ASCC1: variants seen among roughly 807,000 people sequenced by gnomAD.
ASCC1 encodes ASC-1 complex subunit P50.
Under a neutral mutation model 46.6 loss-of-function variants are expected in ASCC1, and 35 were observed. The observed-to-expected ratio is 0.75, with a 90% CI of 0.57 to 0.99. The LOEUF is 0.99. Ranked by LOEUF, ASCC1 falls within the 50% of genes least tolerant of loss-of-function variation. The pLI, the probability that ASCC1 is intolerant of heterozygous loss-of-function variation, is 0.00. For synonymous variants in ASCC1, 143 were observed against 146.6 expected, an observed-to-expected ratio of 0.98 and a Z score of 0.18; for missense variants, 376 against 428.7, an observed-to-expected ratio of 0.88 and a Z score of 1.09.
chr10:72,205,754 C>A (rs1329645665), intron 3 of ASCC1, among the ~76,000 whole-genome samples: 2 of 152,034 alleles, frequency 1.3e-5, no homozygotes, highest in African/African-American at 4.8e-5. Context: ...AGAGATCGCA[C>A]CACTGCATTC....
chr10:72,190,613 A>G (rs1854278067), intron 5 of ASCC1: 1 of 996,958 alleles, frequency 1.0e-6, no homozygotes. Context: ...CCTAATAAAC[A>G]ATTTAAGACA....
At chr10:72,178,639 A>C (rs1852163354) in intron 5 of ASCC1, among the ~76,000 whole-genome samples, 1 of 152,102 alleles carries the variant, frequency 6.6e-6, no homozygotes, top group Admixed American at 6.6e-5. Flanking sequence ...GCCTTGTGAG[A>C]CCCTAAGCAG....
At chr10:72,106,226 T>C (rs1842329838) in intron 9 of ASCC1, among the ~76,000 whole-genome samples, 1 of 152,224 alleles carries the variant, frequency 6.6e-6, no homozygotes, top group Admixed American at 6.5e-5. Context: ...ATTCAAAATA[T>C]TCAAGTCTTA....
intron 9 of ASCC1, among the ~76,000 whole-genome samples, chr10:72,116,554 T>A (rs1369088307): frequency 6.6e-6 from 1 of 152,240 alleles, no homozygotes; most frequent in African/African-American, 2.4e-5. Flanking sequence ...CTTACTATCC[T>A]GAACGTTTTG....
rs187630374 is a variant in ASCC1 at position 72,106,499 on chromosome 10, C to T, written c.958-9049G>A. ...TGTTTTTCTTCCACAGCCTGTTTAC[C>T]AACTTCTATTTCTCACAATTATCCC... On this transcript the variant is annotated intron_variant, in intron 9 of 9. Coordinates refer to ENST00000672957, the MANE Select transcript of ASCC1 (RefSeq NM_001198800.3). 9.3e-4 allele frequency among the ~76,000 whole-genome samples: 141 copies of T among 151,834 alleles called. 2 individuals are homozygous for T. Among genetic ancestry groups the T allele is most frequent in the Admixed American group, 7.7e-3 (117 of 15,214 alleles).
intron 9 of ASCC1, among the ~76,000 whole-genome samples, chr10:72,098,086 G>A (rs145240220): frequency 6.6e-6 from 1 of 152,078 alleles, no homozygotes; most frequent in East Asian, 1.9e-4. Context: ...TCAAGCCAGC[G>A]ACCTAAAATA....
chr10:72,210,751 C>T lies in ASCC1; in HGVS notation c.193G>A (p.Ala65Thr), dbSNP rs1198115337. 6.2e-7 allele frequency: 1 copy of T among 1,613,900 alleles called. No individual in the cohort carries two copies. Among genetic ancestry groups the T allele is most frequent in the Non-Finnish European group, 8.5e-7 (1 of 1,179,998 alleles). ...ACTCACTTATAGAGCAAGCTGGGGG[C>T]CCTCAAAGTAGACCGGAATCCTTGT... ...TPQGFRSTLR[A>T]PSLLYKHIVG... is the part of the protein sequence containing the mutation. Residue 65 changes from alanine (A) to threonine (T), a missense_variant, in exon 3 of 10, where the codon GCC (alanine) becomes ACC (threonine). Coordinates refer to ENST00000672957, the MANE Select transcript of ASCC1 (RefSeq NM_001198800.3).
chr10:72,151,992 ATTTTTTTT>A (rs35458668), intron 7 of ASCC1, among the ~76,000 whole-genome samples: 1 of 118,208 alleles, frequency 8.5e-6, no homozygotes, highest in African/African-American at 3.2e-5. Context: ...ACCGGCCAAT[ATTTTTTTT>A]TTTTTTTTTG....
In ASCC1 at chr10:72,161,428, CAT is replaced by C. The variant is rs1430889270; in HGVS notation, c.626+108_626+109del. On this transcript the variant is annotated intron_variant, in intron 6 of 9. Coordinates refer to ENST00000672957, the MANE Select transcript of ASCC1 (RefSeq NM_001198800.3). ...TGCCTGAGTGGGCTCCATCAAATCA[CAT>C]GAGTCCTTCCCATGTTATACACCCT... is the stretch of plus-strand genomic sequence containing the variant. 4.9e-6 allele frequency: 7 copies of C among 1,414,962 alleles called. No homozygotes were observed. The African/African-American group carries it at 7.1e-5, about 14-fold the overall frequency. 87.7% of individuals were successfully genotyped at this position (1,414,962 alleles called of 1,614,324 possible).
At chr10:72,148,173 T>G (rs1197968902) in intron 7 of ASCC1, among the ~76,000 whole-genome samples, 6 of 152,216 alleles carry the variant, frequency 3.9e-5, no homozygotes, top group African/African-American at 1.4e-4. Context: ...AAAATGATTT[T>G]ATTAAATCTC....
intron 5 of ASCC1, chr10:72,190,429 C>G: frequency 3.1e-6 from 5 of 1,597,910 alleles, no homozygotes; most frequent in Non-Finnish European, 4.2e-6. Flanking sequence ...AACCAGTCCA[C>G]AACCACAGGG....
chr10:72,109,836 G>A (rs141238944), intron 9 of ASCC1, among the ~76,000 whole-genome samples: 33 of 152,338 alleles, frequency 2.2e-4, no homozygotes, highest in Admixed American at 9.1e-4. Flanking sequence ...AAGAGGCTAC[G>A]CTGACCCGGC....
intron 7 of ASCC1, among the ~76,000 whole-genome samples, chr10:72,150,035 A>AT (rs1848140452): frequency 6.6e-6 from 1 of 152,046 alleles, no homozygotes; most frequent in African/African-American, 2.4e-5. Context: ...AAATACAAAA[A>AT]TTAGCCAGGC....
Position 72,096,448 on chromosome 10 carries a change from G to A in ASCC1, c.*886C>T, listed in dbSNP as rs1841103857. 2.2e-6 allele frequency: 1 copy of A among 454,176 alleles called. No homozygotes were observed. The highest frequency in any genetic ancestry group is 4.4e-6 in the Non-Finnish European group (1 of 226,802). 28.1% of individuals were successfully genotyped at this position (454,176 alleles called of 1,614,324 possible). Reference sequence around the variant, plus strand: ...GGCATGGGAAGATGAGGGTGGGGATGGGGTGAAGGAACAGGAATCCAACAA... The same window carrying A: ...GGCATGGGAAGATGAGGGTGGGGATAGGGTGAAGGAACAGGAATCCAACAA... On this transcript the variant is annotated 3_prime_UTR_variant, in exon 10 of 10. Transcript: ENST00000672957.
intron 7 of ASCC1, among the ~76,000 whole-genome samples, chr10:72,151,534 T>C (rs1848324232): frequency 6.6e-6 from 1 of 152,082 alleles, no homozygotes; most frequent in South Asian, 2.1e-4. Flanking sequence ...ACACAGCACA[T>C]GTATACATAT....
At chr10:72,132,909 C>G in intron 8 of ASCC1, 148 bp downstream of exon 8, 2 of 909,554 alleles carry the variant, frequency 2.2e-6, no homozygotes, top group Non-Finnish European at 3.4e-6. Flanking sequence ...ATGTTCTTGC[C>G]CACCTCTACT....
In ASCC1 at chr10:72,131,876, T is replaced by A. The variant is rs906926758; in HGVS notation, c.871+1181A>T. 2.5e-4 allele frequency among the ~76,000 whole-genome samples: 31 copies of A among 124,728 alleles called. 1 individual carries two copies. The highest frequency in any genetic ancestry group is 2.2e-3 in the Admixed American group (30 of 13,648). The allele number at this position is 124,728 out of a possible 152,430, so 81.8% of individuals were successfully genotyped here. A position where few individuals can be genotyped will look rare whatever the true frequency, so the allele number is the denominator to read the frequency against. Reference sequence around the variant, plus strand: ...AGTTATCTTCTCCTCTAGATAGATTTTTTTTTTTTTTTTTTTTTTGAGAAG... The same window carrying A: ...AGTTATCTTCTCCTCTAGATAGATTATTTTTTTTTTTTTTTTTTTGAGAAG... On this transcript the variant is annotated intron_variant, in intron 8 of 9. Transcript: ENST00000672957.
intron 5 of ASCC1, among the ~76,000 whole-genome samples, chr10:72,174,324 T>C (rs1277733739): frequency 6.6e-6 from 1 of 152,088 alleles, no homozygotes; most frequent in Non-Finnish European, 1.5e-5. Flanking sequence ...AATAATACTA[T>C]CAGTAGGAAC....
chr10:72,213,552 A>G (rs1294568264), intron 1 of ASCC1, among the ~76,000 whole-genome samples: 1 of 150,794 alleles, frequency 6.6e-6, no homozygotes, highest in Admixed American at 6.6e-5. Flanking sequence ...AGTAATTTGT[A>G]AACTATTTAT....
Sources: allele counts gnomAD v4.1 joint callset (sites outside exome capture counted in the v4.1 genomes callset), GRCh38; gene constraint gnomAD v4.1.1; transcripts MANE v1.5; gene names NCBI Gene and HGNC (gene_info 2026-07-23, HGNC 2026-07-21).